The following OPHN1 variants were observed in gnomAD, a reference collection of about 807,000 sequenced individuals.
The protein encoded by OPHN1 is oligophrenin 1.
OPHN1 carries 11 observed loss-of-function variants against 60.7 expected under a neutral mutation model. That is an observed-to-expected ratio of 0.18 (90% CI 0.11 to 0.30). OPHN1 has a LOEUF of 0.30. Among genes scored for constraint, OPHN1 ranks in the 10% least tolerant of loss-of-function variants. The pLI is 1.00. For synonymous variants in OPHN1, 226 were observed against 222.6 expected (o/e 1.02, Z -0.14); for missense variants, 449 against 611.0 (o/e 0.73, Z 2.80).
intron 5 of OPHN1, among the ~76,000 whole-genome samples, chrX:68,263,532 T>C (rs2077905365): frequency 8.9e-6 from 1 of 112,338 alleles, no homozygotes; most frequent in South Asian, 3.7e-4. Flanking sequence ...TTTTAGCACA[T>C]ATAATTGATG....
rs533480977 is a variant in OPHN1, at chrX:68,278,623, C to T, written c.313-3814G>A. On this transcript the variant is annotated intron_variant, in intron 4 of 24. Transcript: ENST00000355520. ...GCACTGGGCCAGGCGCAGTGGCTTG[C>T]GCCTGTAATCCCAGCACTTTGGGAG... Among the ~76,000 whole-genome samples, 13 of 113,570 alleles carry T rather than the reference C, an allele frequency of 1.1e-4. No homozygotes were observed. The East Asian group carries it at 1.4e-3, about 12-fold the overall frequency.
At chrX:68,211,261 T>G in intron 8 of OPHN1, among the ~76,000 whole-genome samples, 1 of 112,185 alleles carries the variant, frequency 8.9e-6, no homozygotes, top group Non-Finnish European at 1.9e-5. Context: ...AAACTACATC[T>G]ATATATTTCA....
chrX:68,209,992 C>CTTTTTTTTTTTTTTTTTTTTTTTTTTT, intron 9 of OPHN1, 161 bp downstream of exon 9: 1 of 447,207 alleles, frequency 2.2e-6, no homozygotes, highest in Non-Finnish European at 3.8e-6. Flanking sequence ...TCAGTTTCTC[C>CTTTTTTTTTTTTTTTTTTTTTTTTTTT]TTTTTTTTTT....
chrX:68,245,391 T>C (rs2077800564), intron 5 of OPHN1, among the ~76,000 whole-genome samples: 1 of 112,405 alleles, frequency 8.9e-6, no homozygotes, highest in African/African-American at 3.2e-5. Flanking sequence ...GTGCTTTTTG[T>C]TCATATGATT....
Position 68,203,996 on chromosome X carries a change from C to G in OPHN1, c.934-2286G>C, listed in dbSNP as rs751790479. Among the ~76,000 whole-genome samples the G allele has an allele frequency of 2.7e-5, 3 of 112,868 alleles. No homozygotes were observed. In the South Asian group the frequency reaches 1.1e-3, roughly 41 times the overall value. ...TCAAAGACATGAACAGTGTTTTATT[C>G]ATCTTTATACCTCCAGTATCTTGCA... On this transcript the variant is annotated intron_variant, in intron 10 of 24. Transcript: ENST00000355520.
chrX:68,199,861 G>A (rs1257948818), intron 11 of OPHN1, among the ~76,000 whole-genome samples: 1 of 112,609 alleles, frequency 8.9e-6, no homozygotes, highest in Non-Finnish European at 1.9e-5. Flanking sequence ...AGGAGTTCAA[G>A]TCAAGCCTGG....
At chrX:68,224,800 C>A (rs944073060) in intron 6 of OPHN1, among the ~76,000 whole-genome samples, 4 of 112,349 alleles carry the variant, frequency 3.6e-5, no homozygotes, top group African/African-American at 1.3e-4. Context: ...CTACAGCTCC[C>A]AGTGTGAGCG....
At chrX:68,417,536 C>T in intron 2 of OPHN1, among the ~76,000 whole-genome samples, 1 of 112,618 alleles carries the variant, frequency 8.9e-6, no homozygotes, top group Non-Finnish European at 1.9e-5. Context: ...TAAAAGATAC[C>T]TGTGGGTATC....
intron 23 of OPHN1, among the ~76,000 whole-genome samples, chrX:68,049,207 A>T (rs1157942887): frequency 8.9e-6 from 1 of 111,785 alleles, no homozygotes; most frequent in Non-Finnish European, 1.9e-5. Flanking sequence ...ACATACATCC[A>T]GCTCCAACTG....
intron 3 of OPHN1, 86 bp downstream of exon 3, chrX:68,298,915 A>G (rs765321635): frequency 2.3e-4 from 132 of 563,188 alleles, no homozygotes; most frequent in Non-Finnish European, 3.6e-4. Flanking sequence ...AAGATGTCCA[A>G]GTGCTCTGTA....
At chrX:68,070,344 G>T (rs2076928510) in intron 20 of OPHN1, among the ~76,000 whole-genome samples, 1 of 111,680 alleles carries the variant, frequency 9.0e-6, no homozygotes, top group African/African-American at 3.3e-5. Context: ...GGCAAATCCA[G>T]GGTGCAGTAA....
At chrX:68,275,117 G>A (rs922348945) in intron 4 of OPHN1, among the ~76,000 whole-genome samples, 2 of 112,163 alleles carry the variant, frequency 1.8e-5, no homozygotes, top group Admixed American at 9.5e-5. Flanking sequence ...AAGGACAGGT[G>A]AAAAAGAGAA....
intron 15 of OPHN1, among the ~76,000 whole-genome samples, chrX:68,143,865 G>A (rs1221886830): frequency 9.0e-6 from 1 of 111,573 alleles, no homozygotes; most frequent in African/African-American, 3.3e-5. Flanking sequence ...TCCTTTGACT[G>A]TAATAAATCA....
At chrX:68,254,363 T>A (rs1367303118) in intron 5 of OPHN1, among the ~76,000 whole-genome samples, 1 of 111,487 alleles carries the variant, frequency 9.0e-6, no homozygotes, top group Non-Finnish European at 1.9e-5. Flanking sequence ...TATAGATAGA[T>A]AACCAGTATT....
chrX:68,300,141 C>A (rs748065504), intron 2 of OPHN1, among the ~76,000 whole-genome samples: 1 of 111,744 alleles, frequency 8.9e-6, no homozygotes, highest in Admixed American at 9.6e-5. Context: ...CTCTCTTTTC[C>A]GATTTCTTCT....
In OPHN1 at chrX:68,393,070, G is replaced by T. The variant is rs753475134; in HGVS notation, c.154+39797C>A. On this transcript the variant is annotated intron_variant, in intron 2 of 24. Coordinates refer to ENST00000355520, the MANE Select transcript of OPHN1 (RefSeq NM_002547.3). ...TGTCCATGGATGGCAGGGCTAAAAG[G>T]GCACACTGTAACACATGCCCACTTG... is the stretch of plus-strand genomic sequence containing the variant. 2.7e-5 allele frequency among the ~76,000 whole-genome samples: 3 copies of T among 111,601 alleles called. No homozygotes were observed. The East Asian group carries it at 8.6e-4, about 32-fold the overall frequency.
Position 68,060,060 on chromosome X carries a change from G to C in OPHN1, c.2158+3794C>G, listed in dbSNP as rs6625267. Among the ~76,000 whole-genome samples, 23 of 111,633 alleles carry C rather than the reference G, an allele frequency of 2.1e-4. No individual in the cohort carries two copies. In the East Asian group the frequency reaches 6.2e-3, roughly 30 times the overall value. The stretch of plus-strand genomic sequence containing the variant: ...TAAATAAACAAATACATGTAAAGTA[G>C]ATGGGATATAGCCCTCCTCCCTCTT... On this transcript the variant is annotated intron_variant, in intron 21 of 24. Transcript: ENST00000355520.
At chrX:68,337,756 G>A (rs1277639525) in intron 2 of OPHN1, among the ~76,000 whole-genome samples, 1 of 103,619 alleles carries the variant, frequency 9.7e-6, no homozygotes, top group East Asian at 3.0e-4. Context: ...TCAGAAACCT[G>A]GAGTGGCTAT....
chrX:68,422,397 C>T (rs1217123675), intron 2 of OPHN1, among the ~76,000 whole-genome samples: 1 of 107,293 alleles, frequency 9.3e-6, no homozygotes, highest in Non-Finnish European at 1.9e-5. Context: ...GTGGCACGTG[C>T]CTGTGGTCCC....
Sources: allele counts gnomAD v4.1 joint callset (sites outside exome capture counted in the v4.1 genomes callset), GRCh38; gene constraint gnomAD v4.1.1; transcripts MANE v1.5; gene names NCBI Gene and HGNC (gene_info 2026-07-23, HGNC 2026-07-21).